Variants in HMGCLL1 observed in about 807,000 individuals in gnomAD.
The protein encoded by HMGCLL1 is 3-hydroxymethyl-3-methylglutaryl-CoA lyase, cytoplasmic.
A neutral mutation model predicts 39.1 loss-of-function variants in HMGCLL1; 36 were observed. That is an observed-to-expected ratio of 0.92 (90% CI 0.71 to 1.22). HMGCLL1 has a LOEUF of 1.22. Among genes scored for constraint, HMGCLL1 ranks in the 50% most tolerant of loss-of-function variants. The pLI, the probability that HMGCLL1 is intolerant of heterozygous loss-of-function variation, is 0.00. For missense variants in HMGCLL1, 451 were observed against 416.5 expected (o/e 1.08, Z -0.72); for synonymous variants, 149 against 144.0 (o/e 1.03, Z -0.25).
intron 1 of HMGCLL1, 62 bp downstream of exon 1, chr6:55,578,886 G>T: frequency 8.1e-7 from 1 of 1,232,102 alleles, no homozygotes. Flanking sequence ...AGGTTGCAGG[G>T]AGAGAGGCTG....
At chr6:55,637,017 T>C in the HMGCLL1 span, among the ~76,000 whole-genome samples, 3 of 152,184 alleles carry the variant, frequency 2.0e-5, no homozygotes, top group African/African-American at 7.2e-5. Flanking sequence ...GAAGATTGCC[T>C]TTTTAAAGAG....
At chr6:55,629,034 A>C in the HMGCLL1 span, among the ~76,000 whole-genome samples, 1 of 152,162 alleles carries the variant, frequency 6.6e-6, no homozygotes, top group African/African-American at 2.4e-5. Flanking sequence ...CACTGCTGTA[A>C]ATACCTAAAA....
the HMGCLL1 span, among the ~76,000 whole-genome samples, chr6:55,666,938 T>A: frequency 6.6e-6 from 1 of 151,640 alleles, no homozygotes; most frequent in Non-Finnish European, 1.5e-5. Flanking sequence ...TCTTTTATTT[T>A]TTTTTTTCAA....
the HMGCLL1 span, among the ~76,000 whole-genome samples, chr6:55,642,587 C>A: frequency 9.2e-5 from 14 of 151,992 alleles, no homozygotes; most frequent in Non-Finnish European, 2.1e-4. Context: ...AAGCATTTAT[C>A]CTTTGTGTTA....
the HMGCLL1 span, among the ~76,000 whole-genome samples, chr6:55,643,996 GATTGTACTA>G: frequency 6.6e-6 from 1 of 151,944 alleles, no homozygotes; most frequent in Non-Finnish European, 1.5e-5. Context: ...TCTCCATAGT[GATTGTACTA>G]ATTTACATTC....
chr6:55,439,628 A>G (rs1763513807), intron 7 of HMGCLL1, 69 bp from the exon 8 acceptor site: 2 of 1,548,002 alleles, frequency 1.3e-6, no homozygotes, highest in South Asian at 1.2e-5. Flanking sequence ...TTTCTATTTA[A>G]CCTATGGTAA....
At chr6:55,479,819 TA>T (rs1335457903) in intron 7 of HMGCLL1, among the ~76,000 whole-genome samples, 2 of 151,710 alleles carry the variant, frequency 1.3e-5, no homozygotes, top group Non-Finnish European at 2.9e-5. Context: ...GGATTTGTTA[TA>T]AAGTCCAATA....
At chr6:55,572,646 C>T (rs1771567934) in intron 1 of HMGCLL1, among the ~76,000 whole-genome samples, 1 of 151,920 alleles carries the variant, frequency 6.6e-6, no homozygotes, top group Admixed American at 6.6e-5. Flanking sequence ...ATGTATGCTA[C>T]TATACATATA....
intron 5 of HMGCLL1, among the ~76,000 whole-genome samples, chr6:55,502,853 A>G (rs1766963555): frequency 6.6e-6 from 1 of 151,618 alleles, no homozygotes; most frequent in East Asian, 1.9e-4. Flanking sequence ...TCATCCACAA[A>G]GATGTTATAT....
intron 1 of HMGCLL1, among the ~76,000 whole-genome samples, chr6:55,572,324 T>C (rs956509943): frequency 6.6e-6 from 1 of 152,136 alleles, no homozygotes; most frequent in African/African-American, 2.4e-5. Context: ...ATTATGACAA[T>C]AGAGGTAAAA....
chr6:55,628,767 T>C, the HMGCLL1 span, among the ~76,000 whole-genome samples: 60 of 152,204 alleles, frequency 3.9e-4, no homozygotes, highest in African/African-American at 1.4e-3. Context: ...GTTCTCATGA[T>C]AGTGAATAAG....
the HMGCLL1 span, among the ~76,000 whole-genome samples, chr6:55,655,441 G>A: frequency 4.6e-5 from 7 of 150,678 alleles, no homozygotes; most frequent in Non-Finnish European, 1.0e-4. Flanking sequence ...ATTTCTACTG[G>A]ATTCTTCCCA....
chr6:55,627,208 C>T, the HMGCLL1 span, among the ~76,000 whole-genome samples: 1 of 152,042 alleles, frequency 6.6e-6, no homozygotes, highest in African/African-American at 2.4e-5. Context: ...AGTATTTCCT[C>T]CTTCTTTTGT....
At chr6:55,562,380 G>C (rs1325183975) in intron 1 of HMGCLL1, among the ~76,000 whole-genome samples, 3 of 151,938 alleles carry the variant, frequency 2.0e-5, no homozygotes, top group African/African-American at 7.3e-5. Context: ...CCAATATCAG[G>C]AACATCTACA....
chr6:55,630,675 T>A, the HMGCLL1 span, among the ~76,000 whole-genome samples: 1 of 152,046 alleles, frequency 6.6e-6, no homozygotes, highest in Non-Finnish European at 1.5e-5. Context: ...GGGGCAGGTC[T>A]TTCCATGCTT....
At chr6:55,499,558 A>G (rs1766766794) in intron 5 of HMGCLL1, among the ~76,000 whole-genome samples, 1 of 152,106 alleles carries the variant, frequency 6.6e-6, no homozygotes, top group Admixed American at 6.6e-5. Flanking sequence ...ATTATCTGGT[A>G]AAGTTATTCA....
chr6:55,661,152 T>C, the HMGCLL1 span, among the ~76,000 whole-genome samples: 1 of 151,982 alleles, frequency 6.6e-6, no homozygotes, highest in Admixed American at 6.6e-5. Context: ...ATATTTTTGC[T>C]CACTCTATAG....
chr6:55,617,701 C>T, the HMGCLL1 span, among the ~76,000 whole-genome samples: 1 of 152,102 alleles, frequency 6.6e-6, no homozygotes, highest in African/African-American at 2.4e-5. Flanking sequence ...GGTACCACCA[C>T]TTTGGAAAGT....
intron 7 of HMGCLL1, among the ~76,000 whole-genome samples, chr6:55,486,599 C>G (rs1015190925): frequency 1.3e-5 from 2 of 152,000 alleles, no homozygotes. Context: ...AAACTTGCAC[C>G]CTTAGAGTCA....
Sources: allele counts gnomAD v4.1 joint callset (sites outside exome capture counted in the v4.1 genomes callset), GRCh38; gene constraint gnomAD v4.1.1; transcripts MANE v1.5; gene names NCBI Gene and HGNC (gene_info 2026-07-23, HGNC 2026-07-21).